LRRIQ3: variants seen among roughly 807,000 people sequenced by gnomAD.
LRRIQ3 encodes the protein leucine rich repeats and IQ motif containing 3.
LRRIQ3 carries 75 observed loss-of-function variants against 59.3 expected under a neutral mutation model. That is an observed-to-expected ratio of 1.26 (90% confidence interval 1.05 to 1.53). LRRIQ3 has a LOEUF of 1.53. Ranked by LOEUF, LRRIQ3 falls within the 40% of genes most tolerant of loss-of-function variation. The probability of loss-of-function intolerance (pLI) is 0.00; values close to 1 mark genes in which losing one functional copy is unlikely to be tolerated. For missense variants in LRRIQ3, 831 were observed against 710.0 expected, an observed-to-expected ratio of 1.17 and a Z score of -1.94; for synonymous variants, 250 against 231.3, an observed-to-expected ratio of 1.08 and a Z score of -0.73.
intron 3 of LRRIQ3, among the ~76,000 whole-genome samples, chr1:74,167,320 T>C (rs985942455): frequency 3.3e-5 from 5 of 151,658 alleles, no homozygotes; most frequent in African/African-American, 9.7e-5. Context: ...CTGGATGAAA[T>C]TGGAGACCAT....
intron 5 of LRRIQ3, among the ~76,000 whole-genome samples, chr1:74,079,334 C>G (rs963458460): frequency 6.6e-6 from 1 of 151,540 alleles, no homozygotes; most frequent in Non-Finnish European, 1.5e-5. Flanking sequence ...GAACAAACCC[C>G]AAACAAAATA....
rs140618092 is a variant in LRRIQ3 at position 74,196,042 on chromosome 1, G to T, written c.-1+1954C>A. Among the ~76,000 whole-genome samples the T allele has an allele frequency of 1.6e-3, 236 of 151,190 alleles. 1 individual carries two copies. Among genetic ancestry groups the T allele is most frequent in the African/African-American group, 5.2e-3 (215 of 41,198 alleles). On this transcript the variant is annotated intron_variant, in intron 1 of 7. Transcript: ENST00000354431. ...AAAATTAATATTAATGAAAATTTGA[G>T]AAAAGAAAGAAAACAGAAGCCATAG...
At chr1:74,043,442 G>C (rs1421873901) in intron 6 of LRRIQ3, among the ~76,000 whole-genome samples, 1 of 152,090 alleles carries the variant, frequency 6.6e-6, no homozygotes, top group Non-Finnish European at 1.5e-5. Context: ...GGCTACAGGA[G>C]TATCAACGTT....
intron 6 of LRRIQ3, among the ~76,000 whole-genome samples, chr1:74,069,955 T>C (rs1654974578): frequency 1.3e-5 from 2 of 151,990 alleles, no homozygotes; most frequent in South Asian, 4.1e-4. Context: ...GAATGGTTAT[T>C]ATAAAAAGTC....
Position 74,041,206 on chromosome 1 carries a change from T to C in LRRIQ3, c.1718+7A>G. On this transcript the variant is annotated splice_region_variant and intron_variant, in intron 7 of 7. Coordinates refer to ENST00000354431, the MANE Select transcript of LRRIQ3 (RefSeq NM_001105659.2). ...TAATGCCTCTGTTATATCTAAATTG[T>C]ACCTACCTAACTTTTTTCATTTCTT... 3 of 1,549,818 alleles carry C rather than the reference T, an allele frequency of 1.9e-6. No individual in the cohort carries two copies. The highest frequency in any genetic ancestry group is 2.6e-6 in the Non-Finnish European group (3 of 1,143,490).
intron 6 of LRRIQ3, among the ~76,000 whole-genome samples, chr1:74,049,858 A>C (rs544993202): frequency 3.3e-5 from 5 of 151,592 alleles, no homozygotes; most frequent in Non-Finnish European, 7.4e-5. Flanking sequence ...ATTTATTTCC[A>C]TTTACATGAT....
intron 4 of LRRIQ3, among the ~76,000 whole-genome samples, chr1:74,138,215 A>G (rs1438403791): frequency 6.6e-6 from 1 of 151,882 alleles, no homozygotes; most frequent in Non-Finnish European, 1.5e-5. Context: ...TGGTAATGTG[A>G]CCTGGATGTA....
At chr1:74,075,136 G>A (rs17094802) in intron 5 of LRRIQ3, among the ~76,000 whole-genome samples, 17,974 of 152,074 alleles carry the variant, frequency 0.12, 1,331 homozygotes, top group African/African-American at 0.21. Flanking sequence ...AAGCCTGAAG[G>A]AAGATTCAGA....
intron 3 of LRRIQ3, among the ~76,000 whole-genome samples, chr1:74,156,891 T>A (rs1235457497): frequency 6.6e-6 from 1 of 152,146 alleles, no homozygotes; most frequent in African/African-American, 2.4e-5. Flanking sequence ...GAATGTAAGA[T>A]AATGCATTAA....
chr1:74,069,581 C>T (rs1465111323), intron 6 of LRRIQ3, among the ~76,000 whole-genome samples: 1 of 151,930 alleles, frequency 6.6e-6, no homozygotes, highest in Non-Finnish European at 1.5e-5. Context: ...TTATTACAAA[C>T]TAGCTAATTA....
Position 74,135,115 on chromosome 1 carries a change from G to C in LRRIQ3, c.707+20618C>G, listed in dbSNP as rs189883408. ...AGCTGGAGTGGGTATTCTAATATTA[G>C]ACAAAATAGACTTTAAGATAAAATA... On this transcript the variant is annotated intron_variant, in intron 4 of 7. Transcript: ENST00000354431. Among the ~76,000 whole-genome samples, 5 of 151,896 alleles carry C rather than the reference G, an allele frequency of 3.3e-5. No individual in the cohort carries two copies. In the East Asian group the frequency reaches 9.7e-4, roughly 29 times the overall value.
intron 6 of LRRIQ3, among the ~76,000 whole-genome samples, chr1:74,073,816 T>C (rs1267132600): frequency 6.6e-6 from 1 of 151,968 alleles, no homozygotes; most frequent in Non-Finnish European, 1.5e-5. Context: ...TTGAGAAAAA[T>C]AAGACCTTCA....
Position 74,109,475 on chromosome 1 carries a change from T to G in LRRIQ3, c.786A>C (p.Lys262Asn). The change falls in exon 5 of 8, where the codon AAA becomes AAC. Residue 262 changes from lysine (K) to asparagine (N), a missense_variant. Transcript: ENST00000354431. ...CCTTAAGGAGCTTATCTTCATACCC[T>G]TTGGTTATGTAAATCCATTTTGCTT... Reference protein sequence around the residue: ...GYEAKWIYITKGYEDKLLKDL... With the variant: ...GYEAKWIYITNGYEDKLLKDL... 1 of 1,572,170 alleles carries G rather than the reference T, an allele frequency of 6.4e-7. No individual in the cohort carries two copies. Among genetic ancestry groups the G allele is most frequent in the Non-Finnish European group, 8.6e-7 (1 of 1,161,728 alleles).
At chr1:74,055,561 C>T (rs1654508562) in intron 6 of LRRIQ3, among the ~76,000 whole-genome samples, 1 of 152,088 alleles carries the variant, frequency 6.6e-6, no homozygotes, top group South Asian at 2.1e-4. Context: ...ATTCATTATA[C>T]ATATTCATTA....
chr1:74,116,826 G>A (rs1399373859), intron 4 of LRRIQ3, among the ~76,000 whole-genome samples: 1 of 151,994 alleles, frequency 6.6e-6, no homozygotes, highest in Non-Finnish European at 1.5e-5. Flanking sequence ...ATGATAATAG[G>A]TAATATACCA....
chr1:74,050,114 G>C (rs1266038234), intron 6 of LRRIQ3, among the ~76,000 whole-genome samples: 1 of 151,714 alleles, frequency 6.6e-6, no homozygotes, highest in Non-Finnish European at 1.5e-5. Flanking sequence ...AGTAGAGATG[G>C]GGTTTCACCA....
At position 74,042,328 on chromosome 1, in the gene LRRIQ3, T is replaced by G. The variant is rs185928882; in HGVS notation, c.998-395A>C. On this transcript the variant is annotated intron_variant, in intron 6 of 7. Transcript: ENST00000354431. ...TGAACTGGGTAGCACTGAGAACCAGTGAAAATTTAGAAAACTCTGCGTAAT... is the reference window on the plus strand; with the variant it reads ...TGAACTGGGTAGCACTGAGAACCAGGGAAAATTTAGAAAACTCTGCGTAAT... Among the ~76,000 whole-genome samples the G allele has an allele frequency of 7.9e-5, 12 of 152,084 alleles. No individual in the cohort carries two copies. The East Asian group carries it at 2.3e-3, about 29-fold the overall frequency.
chr1:74,108,257 G>A (rs550818379), intron 5 of LRRIQ3, among the ~76,000 whole-genome samples: 1 of 151,754 alleles, frequency 6.6e-6, no homozygotes, highest in African/African-American at 2.4e-5. Flanking sequence ...AAAAAAGCAG[G>A]TGGTATGCTC....
At chr1:74,052,931 C>A (rs139068297) in intron 6 of LRRIQ3, among the ~76,000 whole-genome samples, 2,477 of 152,118 alleles carry the variant, frequency 0.016, 33 homozygotes, top group Non-Finnish European at 0.026. Flanking sequence ...AAAATAACAT[C>A]TTCTTTGAGA....
Sources: allele counts gnomAD v4.1 joint callset (sites outside exome capture counted in the v4.1 genomes callset), GRCh38; gene constraint gnomAD v4.1.1; transcripts MANE v1.5; gene names NCBI Gene and HGNC (gene_info 2026-07-23, HGNC 2026-07-21).